EFCAB11: variants seen among roughly 807,000 people sequenced by gnomAD.
EFCAB11 encodes the protein EF-hand calcium binding domain 11.
EFCAB11 carries 14 observed loss-of-function variants against 23.0 expected under a neutral mutation model. That is an observed-to-expected ratio of 0.61 (90% CI 0.40 to 0.95). The LOEUF is 0.95. Ranked by LOEUF, EFCAB11 falls within the 40% of genes least tolerant of loss-of-function variation. EFCAB11 has a pLI of 0.00. For missense variants in EFCAB11, 198 were observed against 195.8 expected (o/e 1.01, Z -0.07); for synonymous variants, 65 against 66.6 (o/e 0.98, Z 0.11).
intron 5 of EFCAB11, chr14:89,924,602 G>A (rs1042098595): frequency 4.1e-5 from 63 of 1,534,522 alleles, no homozygotes; most frequent in Non-Finnish European, 5.4e-5. Context: ...GGTGTTGATG[G>A]CAGGCAAAGT....
chr14:89,831,851 C>G (rs1359832238), intron 5 of EFCAB11, among the ~76,000 whole-genome samples: 2 of 152,118 alleles, frequency 1.3e-5, no homozygotes, highest in Non-Finnish European at 2.9e-5. Context: ...GCACATTTTG[C>G]CGAGGTTGTT....
At chr14:89,802,770 T>C (rs1456945163) in intron 5 of EFCAB11, among the ~76,000 whole-genome samples, 1 of 152,260 alleles carries the variant, frequency 6.6e-6, no homozygotes, top group Non-Finnish European at 1.5e-5. Flanking sequence ...AAACTTGTCT[T>C]ATGAAGATGG....
chr14:89,823,599 A>T (rs1299448882), intron 5 of EFCAB11, among the ~76,000 whole-genome samples: 2 of 152,234 alleles, frequency 1.3e-5, no homozygotes, highest in African/African-American at 2.4e-5. Flanking sequence ...AATGTGACCA[A>T]TAAGCAGGAG....
At chr14:89,886,745 C>T (rs1200812719) in intron 5 of EFCAB11, among the ~76,000 whole-genome samples, 3 of 152,006 alleles carry the variant, frequency 2.0e-5, no homozygotes, top group Non-Finnish European at 4.4e-5. Flanking sequence ...ACAAAGAGAT[C>T]AAAGTATGTA....
At chr14:89,941,028 T>G (rs1890773921) in intron 3 of EFCAB11, among the ~76,000 whole-genome samples, 1 of 152,168 alleles carries the variant, frequency 6.6e-6, no homozygotes, top group Admixed American at 6.5e-5. Context: ...TGGTCTACAT[T>G]GAGAAAAGAT....
chr14:89,938,810 C>T (rs979374508), intron 3 of EFCAB11, among the ~76,000 whole-genome samples: 1 of 151,864 alleles, frequency 6.6e-6, no homozygotes, highest in Non-Finnish European at 1.5e-5. Flanking sequence ...GTAATCCCAG[C>T]TACTCAGGAG....
chr14:89,923,666 G>T (rs757147972), intron 5 of EFCAB11: 744 of 984,514 alleles, frequency 7.6e-4, no homozygotes, highest in Non-Finnish European at 8.6e-4. Flanking sequence ...GAAGCAGGCA[G>T]ATACTCAAAG....
At chr14:89,810,547 G>T (rs1886117150) in intron 5 of EFCAB11, among the ~76,000 whole-genome samples, 1 of 152,092 alleles carries the variant, frequency 6.6e-6, no homozygotes, top group Non-Finnish European at 1.5e-5. Flanking sequence ...CCTGAGGTCA[G>T]GAGTTTGAGA....
chr14:89,834,710 A>C (rs918144560), intron 5 of EFCAB11, among the ~76,000 whole-genome samples: 3 of 152,222 alleles, frequency 2.0e-5, no homozygotes, highest in African/African-American at 4.8e-5. Flanking sequence ...AAGAGGTTCA[A>C]GGCAGTTTCA....
intron 5 of EFCAB11, among the ~76,000 whole-genome samples, chr14:89,854,349 G>T (rs1399267638): frequency 6.6e-6 from 1 of 152,214 alleles, no homozygotes; most frequent in South Asian, 2.1e-4. Context: ...CCTACATACA[G>T]GGCAATGTGG....
chr14:89,863,721 T>A (rs1222987917), intron 5 of EFCAB11, among the ~76,000 whole-genome samples: 1 of 152,220 alleles, frequency 6.6e-6, no homozygotes, highest in Non-Finnish European at 1.5e-5. Context: ...TTTATGTTCA[T>A]ATATCTGTGA....
At position 89,904,754 on chromosome 14, in the gene EFCAB11, G is replaced by A. The variant is rs557784047; in HGVS notation, c.410+26787C>T. Among the ~76,000 whole-genome samples, 558 of 152,236 alleles carry A rather than the reference G, an allele frequency of 3.7e-3. 4 individuals are homozygous for A. The highest frequency in any genetic ancestry group is 0.012 in the African/African-American group (518 of 41,538). ...ATGATGAGCATTTTTGCATATGTCC[G>A]TTGGCTGCATAAATATCTTCTTTTG... On this transcript the variant is annotated intron_variant, in intron 5 of 5. Transcript: ENST00000316738.
At chr14:89,838,946 A>G (rs939513776) in intron 5 of EFCAB11, among the ~76,000 whole-genome samples, 28 of 152,228 alleles carry the variant, frequency 1.8e-4, no homozygotes, top group African/African-American at 6.8e-4. Context: ...ATGATGTGAA[A>G]GAAATGAAAA....
intron 5 of EFCAB11, among the ~76,000 whole-genome samples, chr14:89,896,643 A>G (rs1222918669): frequency 6.6e-6 from 1 of 152,212 alleles, no homozygotes; most frequent in Non-Finnish European, 1.5e-5. Context: ...TAAGAAGAGA[A>G]AAAGGAAACA....
rs113433491 is a variant in EFCAB11, at chr14:89,929,366, T to A, written c.410+2175A>T. 9.8e-3 allele frequency among the ~76,000 whole-genome samples: 1,485 copies of A among 152,232 alleles called. 26 individuals are homozygous for A. Among genetic ancestry groups the A allele is most frequent in the African/African-American group, 0.034 (1,398 of 41,512 alleles). On this transcript the variant is annotated intron_variant, in intron 5 of 5. Coordinates refer to ENST00000316738, the MANE Select transcript of EFCAB11 (RefSeq NM_145231.4). ...CACCAGGCCGAATTTCTGTTTTTAA[T>A]AATTGTGTGCTAAAATCACCACAAC...
rs181349568 is a variant in EFCAB11, at chr14:89,806,490, G to A, written c.411-9166C>T. Among the ~76,000 whole-genome samples the A allele has an allele frequency of 1.7e-3, 259 of 152,276 alleles. 5 individuals carry two copies. Among genetic ancestry groups the A allele is most frequent in the Non-Finnish European group, 2.5e-4 (17 of 68,018 alleles). On this transcript the variant is annotated intron_variant, in intron 5 of 5. Coordinates refer to ENST00000316738, the MANE Select transcript of EFCAB11 (RefSeq NM_145231.4). ...AATGACAATGTAAGAAAACAGCACA[G>A]ATCAGACAGTTTTCAGGATAAAGTA...
chr14:89,862,526 A>C (rs1887956977), intron 5 of EFCAB11, among the ~76,000 whole-genome samples: 1 of 152,216 alleles, frequency 6.6e-6, no homozygotes. Context: ...TATTTTCCAA[A>C]TGGGAAATGA....
At chr14:89,910,732 G>A (rs1216830543) in intron 5 of EFCAB11, among the ~76,000 whole-genome samples, 1 of 152,130 alleles carries the variant, frequency 6.6e-6, no homozygotes, top group Non-Finnish European at 1.5e-5. Context: ...CATGTCACTT[G>A]GAGTGTTGCC....
At chr14:89,876,179 T>C (rs1888432179) in intron 5 of EFCAB11, among the ~76,000 whole-genome samples, 1 of 152,032 alleles carries the variant, frequency 6.6e-6, no homozygotes, top group Non-Finnish European at 1.5e-5. Context: ...CCCAGAAGCT[T>C]GGCTGAGTTA....
Sources: gnomAD v4.1 joint callset for allele counts (sites outside exome capture counted in the v4.1 genomes callset) on GRCh38, gnomAD v4.1.1 for gene constraint, MANE v1.5 for transcripts, NCBI Gene and HGNC (gene_info 2026-07-23, HGNC 2026-07-21) for gene names.